Variants in PRMT3 observed in about 807,000 individuals in gnomAD.
The protein encoded by PRMT3 is protein arginine methyltransferase 3, also known as protein arginine N-methyltransferase 3.
In PRMT3, 62 loss-of-function variants were observed where a neutral mutation model predicts 71.9. The ratio of observed to expected loss-of-function variants is 0.86; its 90% CI spans 0.70 to 1.07. The LOEUF (loss-of-function observed/expected upper bound fraction) is 1.07, where lower values mean the gene tolerates loss of function less well. PRMT3 is among the 50% of genes least tolerant of loss of function. The pLI, the probability that PRMT3 is intolerant of heterozygous loss-of-function variation, is 0.00. For synonymous variants in PRMT3, 213 were observed against 220.4 expected (o/e 0.97, Z 0.30); for missense variants, 663 against 643.0 (o/e 1.03, Z -0.34).
intron 15 of PRMT3, among the ~76,000 whole-genome samples, chr11:20,498,940 C>G (rs1851396310): frequency 6.6e-6 from 1 of 152,058 alleles, no homozygotes; most frequent in South Asian, 2.1e-4. Context: ...AAAGTAAGTT[C>G]AAGAGGAAAC....
intron 9 of PRMT3, among the ~76,000 whole-genome samples, chr11:20,415,036 G>A (rs201141208): frequency 2.0e-4 from 30 of 150,960 alleles, no homozygotes; most frequent in East Asian, 9.7e-4. Flanking sequence ...GTGTGTGTGT[G>A]TGTGTGTGTG....
rs753505627 is a variant in PRMT3 at position 20,387,998 on chromosome 11, ATTG to A, written c.29-16_29-14del. ...CGCACCGGTGTCCGAGGCCGATCTG[ATTG>A]TTGTGTGTGTGTGTTAGGCGGCCGG... is the stretch of plus-strand genomic sequence containing the variant. On this transcript the variant is annotated intron_variant, in intron 1 of 15. Coordinates refer to ENST00000331079, the MANE Select transcript of PRMT3 (RefSeq NM_005788.4). This position sits in a 1 kb window ranked among gnomAD's most constrained non-coding sequence, Gnocchi z 4.3. 2 of 1,613,326 alleles carry A rather than the reference ATTG, an allele frequency of 1.2e-6. No individual in the cohort carries two copies. The highest frequency in any genetic ancestry group is 2.7e-5 in the African/African-American group (2 of 74,858).
intron 15 of PRMT3, among the ~76,000 whole-genome samples, chr11:20,497,810 C>T (rs1851367421): frequency 6.6e-6 from 1 of 152,176 alleles, no homozygotes; most frequent in South Asian, 2.1e-4. Context: ...TGTCTAGATC[C>T]TCCTTAACAA....
chr11:20,396,493 C>T (rs560226864), intron 6 of PRMT3, among the ~76,000 whole-genome samples: 6 of 152,000 alleles, frequency 3.9e-5, no homozygotes, highest in Admixed American at 2.6e-4. Flanking sequence ...AAAAATTAGC[C>T]GGGTTGTGGT....
chr11:20,482,629 G>A (rs986162312), intron 13 of PRMT3, among the ~76,000 whole-genome samples: 6 of 151,874 alleles, frequency 4.0e-5, no homozygotes, highest in Admixed American at 6.6e-5. Flanking sequence ...TGATTCAGCC[G>A]GTTACCCATG....
chr11:20,475,649 T>C (rs572870267), intron 13 of PRMT3, among the ~76,000 whole-genome samples: 2 of 119,138 alleles, frequency 1.7e-5, no homozygotes, highest in Middle Eastern at 5.6e-3. Flanking sequence ...AGATACTTAA[T>C]GTCTTTTTTT....
intron 8 of PRMT3, 163 bp from the exon 9 acceptor site, chr11:20,407,748 G>A (rs903878048): frequency 3.7e-6 from 2 of 542,222 alleles, no homozygotes; most frequent in South Asian, 2.8e-5. Context: ...CAGCACTTTG[G>A]GAGGCCAAAG....
intron 13 of PRMT3, among the ~76,000 whole-genome samples, chr11:20,473,569 A>G (rs768743604): frequency 2.0e-5 from 3 of 152,102 alleles, no homozygotes; most frequent in African/African-American, 7.2e-5. Flanking sequence ...CTGAGGTTTG[A>G]GAGACTGTTA....
chr11:20,487,644 T>G (rs10766679), intron 13 of PRMT3, among the ~76,000 whole-genome samples: 4 of 152,010 alleles, frequency 2.6e-5, no homozygotes, highest in Non-Finnish European at 5.9e-5. Flanking sequence ...TGTACACTTA[T>G]GTGCACTTTT....
chr11:20,450,069 A>G (rs1175928562), intron 10 of PRMT3, among the ~76,000 whole-genome samples: 1 of 152,196 alleles, frequency 6.6e-6, no homozygotes, highest in Non-Finnish European at 1.5e-5. Flanking sequence ...CTTTGTGATA[A>G]GGTAACAGCT....
chr11:20,408,128 A>C, intron 9 of PRMT3, 96 bp downstream of exon 9: 1 of 848,508 alleles, frequency 1.2e-6, no homozygotes, highest in Non-Finnish European at 1.7e-6. Context: ...AGGCAGACTA[A>C]AGACATTTGT....
intron 10 of PRMT3, among the ~76,000 whole-genome samples, chr11:20,449,681 G>A (rs1481191651): frequency 6.6e-6 from 1 of 152,082 alleles, no homozygotes; most frequent in Admixed American, 6.6e-5. Context: ...ACCATTATTT[G>A]TCAGTTTTAA....
chr11:20,431,796 G>A (rs1156506832), intron 10 of PRMT3, among the ~76,000 whole-genome samples: 1 of 152,020 alleles, frequency 6.6e-6, no homozygotes, highest in Non-Finnish European at 1.5e-5. Flanking sequence ...TATATTTCAA[G>A]CATAATTCTC....
At chr11:20,445,668 C>T (rs1418408937) in intron 10 of PRMT3, among the ~76,000 whole-genome samples, 1 of 152,072 alleles carries the variant, frequency 6.6e-6, no homozygotes, top group Non-Finnish European at 1.5e-5. Flanking sequence ...AATATCATTT[C>T]TCAGTTAGAA....
intron 10 of PRMT3, among the ~76,000 whole-genome samples, chr11:20,440,048 A>G (rs558076853): frequency 1.3e-5 from 2 of 152,358 alleles, no homozygotes; most frequent in African/African-American, 4.8e-5. Context: ...GGGGAAAATA[A>G]AAAGAAGTAA....
intron 11 of PRMT3, among the ~76,000 whole-genome samples, chr11:20,453,043 G>C (rs1451187938): frequency 6.6e-6 from 1 of 152,098 alleles, no homozygotes; most frequent in Non-Finnish European, 1.5e-5. Flanking sequence ...ATCAGTAAAT[G>C]GTTTCCATGG....
Position 20,508,453 on chromosome 11 carries a change from G to A in PRMT3, c.*40G>A, listed in dbSNP as rs375527046. On this transcript the variant is annotated 3_prime_UTR_variant, in exon 16 of 16. Transcript: ENST00000331079. ...CACACTACCTTGTAGTTTTTAATGTGGGGGTAGAGTGGGTCAGCAGGAGGG... is the reference window on the plus strand; with the variant it reads ...CACACTACCTTGTAGTTTTTAATGTAGGGGTAGAGTGGGTCAGCAGGAGGG... The A allele has an allele frequency of 1.4e-6, 2 of 1,432,732 alleles. No homozygotes were observed. Among genetic ancestry groups the A allele is most frequent in the Non-Finnish European group, 2.0e-6 (2 of 1,015,452 alleles). The allele number at this position is 1,432,732 out of a possible 1,614,324, so 88.8% of individuals were successfully genotyped here. A position where few individuals can be genotyped will look rare whatever the true frequency, so the allele number is the denominator to read the frequency against.
At chr11:20,508,236 T>C in intron 15 of PRMT3, 68 bp from the exon 16 acceptor site, 1 of 802,652 alleles carries the variant, frequency 1.2e-6, no homozygotes, top group Non-Finnish European at 2.1e-6. Flanking sequence ...GTGCTAGTTA[T>C]ACATTGTTTA....
chr11:20,437,617 T>G (rs1228159387), intron 10 of PRMT3, among the ~76,000 whole-genome samples: 14 of 149,988 alleles, frequency 9.3e-5, no homozygotes, highest in Non-Finnish European at 1.5e-5. Flanking sequence ...TGAGACGGAG[T>G]CTCGCTCTGT....
Sources: allele counts gnomAD v4.1 joint callset (sites outside exome capture counted in the v4.1 genomes callset), GRCh38; gene constraint gnomAD v4.1.1; non-coding constraint Gnocchi (gnomAD v3.1); transcripts MANE v1.5; gene names NCBI Gene and HGNC (gene_info 2026-07-23, HGNC 2026-07-21).